The following TBC1D16 variants were observed in gnomAD, a reference collection of about 807,000 sequenced individuals.
The protein encoded by TBC1D16 is TBC1 domain family member 16, also known as CTD-2529O21.1.
In TBC1D16, 58 loss-of-function variants were observed where a neutral mutation model predicts 74.7. The observed-to-expected ratio is 0.78, with a 90% CI of 0.63 to 0.97. The LOEUF (loss-of-function observed/expected upper bound fraction) is 0.97. Ranked by LOEUF, TBC1D16 falls within the 50% of genes least tolerant of loss-of-function variation. The pLI is 0.00. For missense variants in TBC1D16, 1,014 were observed against 1,079.5 expected (o/e 0.94, Z 0.85); for synonymous variants, 493 against 474.7 (o/e 1.04, Z -0.50).
Position 79,952,867 on chromosome 17 carries a change from C to G in TBC1D16, c.780-49G>C, listed in dbSNP as rs2033148623. The G allele has an allele frequency of 2.6e-6, 4 of 1,568,276 alleles. No individual in the cohort carries two copies. In the East Asian group the frequency reaches 9.1e-5, roughly 36 times the overall value. ...ATCGCCACACTTCTCCCTGCCCACA[C>G]TACCCAGAGGGGGACGGGGGTCATG... is the stretch of plus-strand genomic sequence containing the variant. On this transcript the variant is annotated intron_variant, in intron 3 of 11. Coordinates refer to ENST00000310924, the MANE Select transcript of TBC1D16 (RefSeq NM_019020.4).
At position 80,035,154 on chromosome 17, in the gene TBC1D16, C is replaced by G. The variant is rs1484731239; in HGVS notation, c.-63+641G>C. Among the ~76,000 whole-genome samples the G allele has an allele frequency of 6.6e-6, 1 of 152,214 alleles. No homozygotes were observed. The highest frequency in any genetic ancestry group is 1.5e-5 in the Non-Finnish European group (1 of 68,034). On this transcript the variant is annotated intron_variant, in intron 1 of 11. Transcript: ENST00000310924. The surrounding 1 kb of genome is among the most constrained non-coding windows in gnomAD (Gnocchi z 5.3). Reference sequence around the variant, plus strand: ...GATTTCAGGATTCAGCGGCTTCCGGCAGGATCCCCTAGGTTATGTTTAGCA... The same window carrying G: ...GATTTCAGGATTCAGCGGCTTCCGGGAGGATCCCCTAGGTTATGTTTAGCA...
chr17:79,952,219 G>A (rs1568582827), intron 4 of TBC1D16: 1 of 160,750 alleles, frequency 6.2e-6, no homozygotes, highest in African/African-American at 2.4e-5. Context: ...GATCTGGTGT[G>A]GGGAATGACT....
chr17:80,025,545 GCACCTGGGCTTCGGGGCC>G (rs2036548459), intron 1 of TBC1D16, among the ~76,000 whole-genome samples: 1 of 137,788 alleles, frequency 7.3e-6, no homozygotes, highest in South Asian at 2.6e-4. Context: ...AGCAGTCCTG[GCACCTGGGCTTCGGGGCC>G]CGCCTGCTGG....
At chr17:80,002,469 G>A (rs966283216) in intron 3 of TBC1D16, among the ~76,000 whole-genome samples, 1 of 152,206 alleles carries the variant, frequency 6.6e-6, no homozygotes, top group African/African-American at 2.4e-5. Flanking sequence ...GGGGTCTGCT[G>A]TCCAAGCACT....
At chr17:79,997,594 G>T (rs968334733) in intron 3 of TBC1D16, among the ~76,000 whole-genome samples, 6 of 152,116 alleles carry the variant, frequency 3.9e-5, no homozygotes, top group African/African-American at 1.4e-4. Flanking sequence ...GCGATTTTAG[G>T]TTCACAGAAA....
chr17:79,952,895 G>A, intron 3 of TBC1D16, 77 bp from the exon 4 acceptor site: 1 of 1,515,380 alleles, frequency 6.6e-7, no homozygotes, highest in Admixed American at 1.9e-5. Flanking sequence ...GGGTCATGGG[G>A]GAGTCATTTA....
In TBC1D16 at chr17:80,009,562, T is replaced by C. The variant is rs1407850773; in HGVS notation, c.779+598A>G. Among the ~76,000 whole-genome samples the C allele has an allele frequency of 6.6e-6, 1 of 152,220 alleles. No individual in the cohort carries two copies. ...TGGACTCCCCAGGGTGCATAGCGGC[T>C]GCCAAGTCGGGTGAATATGGTCAAC... On this transcript the variant is annotated intron_variant, in intron 3 of 11. Transcript: ENST00000310924. This position sits in a 1 kb window ranked among gnomAD's most constrained non-coding sequence, Gnocchi z 5.4.
rs532703665 is a variant in TBC1D16 at position 79,988,124 on chromosome 17, G to A, written c.779+22036C>T. ...AAAGCGTGTGTGTGTTTAGAAGGGA[G>A]AGGGGGATGATAGCACGTCCTGCCA... On this transcript the variant is annotated intron_variant, in intron 3 of 11. Transcript: ENST00000310924. The surrounding 1 kb of genome is among the most constrained non-coding windows in gnomAD (Gnocchi z 5.7). Among the ~76,000 whole-genome samples the A allele has an allele frequency of 1.3e-5, 2 of 152,224 alleles. No individual in the cohort carries two copies. The highest frequency in any genetic ancestry group is 4.8e-5 in the African/African-American group (2 of 41,460).
intron 3 of TBC1D16, among the ~76,000 whole-genome samples, chr17:79,958,116 T>C (rs1397454430): frequency 3.3e-5 from 5 of 151,760 alleles, no homozygotes; most frequent in East Asian, 1.9e-4. Flanking sequence ...GTTTATGAAA[T>C]TGGCATCAAT....
Position 79,950,332 on chromosome 17 carries a change from C to T in TBC1D16, c.1257+79G>A, listed in dbSNP as rs999516632. 2.0e-6 allele frequency: 3 copies of T among 1,472,018 alleles called. No individual in the cohort carries two copies. Among genetic ancestry groups the T allele is most frequent in the Admixed American group, 2.3e-5 (1 of 43,454 alleles). 91.2% of individuals were successfully genotyped at this position (1,472,018 alleles called of 1,614,324 possible). ...GTGGGTGCGGGCGGGCGGCCAGGCC[C>T]CGGCCCTCCTTCCCTCTCGCTCGTT... On this transcript the variant is annotated intron_variant, in intron 6 of 11. Transcript: ENST00000310924. The surrounding 1 kb of genome is among the most constrained non-coding windows in gnomAD (Gnocchi z 4.6).
chr17:80,006,092 G>A (rs996851564), intron 3 of TBC1D16, among the ~76,000 whole-genome samples: 7 of 152,158 alleles, frequency 4.6e-5, no homozygotes, highest in Non-Finnish European at 7.4e-5. Flanking sequence ...GGGTGCACCC[G>A]AGTCCTCACC....
chr17:79,962,652 G>T (rs1032888595), intron 3 of TBC1D16, among the ~76,000 whole-genome samples: 1 of 152,038 alleles, frequency 6.6e-6, no homozygotes. Context: ...ATAGCTTCCA[G>T]GCCAGGCGCG....
In TBC1D16 at chr17:80,001,198, G is replaced by A. The variant is rs2035472816; in HGVS notation, c.779+8962C>T. ...GCCCTTCCCGTAACAGCTTCCCTCA[G>A]ACCCCTGGCATCGGCCACTCTCTGG... On this transcript the variant is annotated intron_variant, in intron 3 of 11. Transcript: ENST00000310924. The surrounding 1 kb of genome is among the most constrained non-coding windows in gnomAD (Gnocchi z 5.8). 6.6e-6 allele frequency among the ~76,000 whole-genome samples: 1 copy of A among 152,216 alleles called. No homozygotes were observed. Among genetic ancestry groups the A allele is most frequent in the African/African-American group, 2.4e-5 (1 of 41,466 alleles).
chr17:79,973,436 G>A (rs546464518), intron 3 of TBC1D16, among the ~76,000 whole-genome samples: 5 of 152,248 alleles, frequency 3.3e-5, no homozygotes, highest in South Asian at 2.1e-4. Context: ...AAGTCTGGGC[G>A]CAGTGGCTTA....
chr17:79,995,451 A>G (rs1221313196), intron 3 of TBC1D16, among the ~76,000 whole-genome samples: 1 of 151,802 alleles, frequency 6.6e-6, no homozygotes, highest in South Asian at 2.1e-4. Context: ...AAATAAATAA[A>G]CCTCGACCCC....
rs555996189 is a variant in TBC1D16 at position 80,025,090 on chromosome 17, C to CACAAACACACGCCATG, written c.-63+10704_-63+10705insCATGGCGTGTGTTTGT. 1.9e-4 allele frequency among the ~76,000 whole-genome samples: 2 copies of CACAAACACACGCCATG among 10,334 alleles called. 1 individual carries two copies. The highest frequency in any genetic ancestry group is 1.2e-3 in the African/African-American group (2 of 1,604). 6.8% of individuals were successfully genotyped at this position (10,334 alleles called of 152,430 possible). A position where few individuals can be genotyped will look rare whatever the true frequency, so the allele number is the denominator to read the frequency against. ...TGACACACACACACATACCATGACA[C>CACAAACACACGCCATG]ACACACACCATATACACACAAACAC... On this transcript the variant is annotated intron_variant, in intron 1 of 11. Transcript: ENST00000310924.
intron 3 of TBC1D16, chr17:79,953,023 A>C: frequency 2.2e-6 from 1 of 464,562 alleles, no homozygotes. Flanking sequence ...TTGGATGGGA[A>C]AGCATTTTCA....
In TBC1D16 at chr17:79,979,229, C is replaced by A. The variant is rs574734781; in HGVS notation, c.780-26411G>T. Among the ~76,000 whole-genome samples the A allele has an allele frequency of 2.0e-5, 3 of 152,142 alleles. No homozygotes were observed. Among genetic ancestry groups the A allele is most frequent in the East Asian group, 3.9e-4 (2 of 5,138 alleles). ...AGCACACACGCTCCGGGGACGCACA[C>A]CCACGCCTAGAGCACACACGCTCCG... On this transcript the variant is annotated intron_variant, in intron 3 of 11. Coordinates refer to ENST00000310924, the MANE Select transcript of TBC1D16 (RefSeq NM_019020.4). This position sits in a 1 kb window ranked among gnomAD's most constrained non-coding sequence, Gnocchi z 4.8.
intron 3 of TBC1D16, among the ~76,000 whole-genome samples, chr17:79,960,359 G>C (rs139525289): frequency 6.6e-6 from 1 of 152,204 alleles, no homozygotes; most frequent in Non-Finnish European, 1.5e-5. Flanking sequence ...AAAGGTGCTC[G>C]ACAGCATTCA....
Sources: gnomAD v4.1 joint callset for allele counts (sites outside exome capture counted in the v4.1 genomes callset) on GRCh38, gnomAD v4.1.1 for gene constraint, Gnocchi (gnomAD v3.1) non-coding constraint, MANE v1.5 for transcripts, NCBI Gene and HGNC (gene_info 2026-07-23, HGNC 2026-07-21) for gene names.